The following CNOT6 variants were observed in gnomAD, a reference collection of about 807,000 sequenced individuals.
The protein encoded by CNOT6 is CCR4-NOT transcription complex subunit 6.
A neutral mutation model predicts 61.2 loss-of-function variants in CNOT6; 12 were observed. That is an observed-to-expected ratio of 0.20 (90% CI 0.13 to 0.32). CNOT6 has a LOEUF of 0.32. Ranked by LOEUF, CNOT6 falls within the 10% of genes least tolerant of loss-of-function variation. The pLI is 1.00. For missense variants in CNOT6, 405 were observed against 663.9 expected (o/e 0.61, Z 4.28); for synonymous variants, 225 against 240.6 (o/e 0.94, Z 0.60).
In CNOT6 at chr5:180,565,282, C is replaced by T. The variant is rs565680925; in HGVS notation, c.560-538C>T. ...GAGTTATAAGAGAGCCAAACCCTTACTTAGAGGAAAGTGGAACTAATGACT... is the reference window on the plus strand; with the variant it reads ...GAGTTATAAGAGAGCCAAACCCTTATTTAGAGGAAAGTGGAACTAATGACT... On this transcript the variant is annotated intron_variant, in intron 6 of 11. Transcript: ENST00000261951. Among the ~76,000 whole-genome samples, 27 of 152,350 alleles carry T rather than the reference C, an allele frequency of 1.8e-4. No homozygotes were observed. The South Asian group carries it at 5.6e-3, about 32-fold the overall frequency.
At chr5:180,506,347 A>G (rs1757130954) in intron 1 of CNOT6, among the ~76,000 whole-genome samples, 2 of 152,220 alleles carry the variant, frequency 1.3e-5, no homozygotes, top group African/African-American at 4.8e-5. Flanking sequence ...TGTGTCATTT[A>G]GTATCCCTGT....
chr5:180,510,170 A>C (rs1426865308), intron 1 of CNOT6, among the ~76,000 whole-genome samples: 1 of 23,002 alleles, frequency 4.3e-5, no homozygotes, highest in South Asian at 1.2e-3. Flanking sequence ...TTTTTTTTTT[A>C]AGAGATGGTG....
rs530566735 is a variant in CNOT6 at position 180,572,251 on chromosome 5, G to A, written c.1461+819G>A. ...GTTGCCCAGGCTGGAGTGCAGTGGC[G>A]TGATCTCGGCTCACTGCAACCTCCA... On this transcript the variant is annotated intron_variant, in intron 11 of 11. Coordinates refer to ENST00000261951, the MANE Select transcript of CNOT6 (RefSeq NM_001370472.1). 9.9e-5 allele frequency among the ~76,000 whole-genome samples: 15 copies of A among 152,178 alleles called. No individual in the cohort carries two copies. The South Asian group carries it at 3.1e-3, about 32-fold the overall frequency.
intron 2 of CNOT6, among the ~76,000 whole-genome samples, chr5:180,542,125 C>G (rs1331359597): frequency 6.6e-6 from 1 of 152,140 alleles, no homozygotes; most frequent in Non-Finnish European, 1.5e-5. Context: ...TTAAGAGTCT[C>G]TCGCCATTAC....
chr5:180,513,699 T>TTA (rs71591489), intron 1 of CNOT6, among the ~76,000 whole-genome samples: 3 of 140,056 alleles, frequency 2.1e-5, no homozygotes, highest in African/African-American at 7.7e-5. Flanking sequence ...ATTTATTTAT[T>TTA]TTTATTTATT....
rs1760980138 is a variant in CNOT6 at position 180,575,887 on chromosome 5, C to T, written c.*1687C>T. 6.8e-6 allele frequency: 1 copy of T among 146,384 alleles called. No homozygotes were observed. Among genetic ancestry groups the T allele is most frequent in the African/African-American group, 2.5e-5 (1 of 40,004 alleles). 9.1% of individuals were successfully genotyped at this position (146,384 alleles called of 1,614,324 possible). A position where few individuals can be genotyped will look rare whatever the true frequency, so the allele number is the denominator to read the frequency against. On this transcript the variant is annotated 3_prime_UTR_variant, in exon 12 of 12. Coordinates refer to ENST00000261951, the MANE Select transcript of CNOT6 (RefSeq NM_001370472.1). Reference sequence around the variant, plus strand: ...AAAATGAGTCATTTTGGAAATGATTCTTATGTTTTTTTTTTTTCTCCTTTT... The same window carrying T: ...AAAATGAGTCATTTTGGAAATGATTTTTATGTTTTTTTTTTTTCTCCTTTT...
chr5:180,531,367 C>T (rs1042190712), intron 2 of CNOT6, among the ~76,000 whole-genome samples: 20 of 150,838 alleles, frequency 1.3e-4, no homozygotes, highest in African/African-American at 1.7e-4. Flanking sequence ...CGGGCAGAGG[C>T]GCTCCTCACA....
At chr5:180,499,732 T>C (rs1229409524) in intron 1 of CNOT6, among the ~76,000 whole-genome samples, 1 of 152,186 alleles carries the variant, frequency 6.6e-6, no homozygotes, top group Non-Finnish European at 1.5e-5. Context: ...ATAGATACTG[T>C]AATAAATGTG....
At position 180,553,388 on chromosome 5, in the gene CNOT6, A is replaced by T. The variant is rs749828356; in HGVS notation, c.302A>T (p.Glu101Val). Reference sequence around the variant, plus strand: ...TCCTGGAATTTTTACATCAACAGGGAGCTCCATTTAAATAACAACCTGTTA... The same window carrying T: ...TCCTGGAATTTTTACATCAACAGGGTGCTCCATTTAAATAACAACCTGTTA... The part of the protein sequence containing the change: ...AELGNMVSLR[E>V]LHLNNNLLRV... The change falls in exon 4 of 12, where the codon GAG becomes GTG. Residue 101 changes from glutamate (E) to valine (V), a missense_variant and splice_region_variant. By Grantham distance (121) the Glu-to-Val change is moderately radical. Coordinates refer to ENST00000261951, the MANE Select transcript of CNOT6 (RefSeq NM_001370472.1). The T allele has an allele frequency of 3.6e-5, 58 of 1,611,554 alleles. No homozygotes were observed. In the Admixed American group the frequency reaches 6.2e-4, roughly 17 times the overall value.
At chr5:180,537,275 T>C (rs570637410) in intron 2 of CNOT6, among the ~76,000 whole-genome samples, 78 of 152,358 alleles carry the variant, frequency 5.1e-4, no homozygotes, top group African/African-American at 1.8e-3. Context: ...TACCAGCACA[T>C]CCTTTTCCGG....
intron 1 of CNOT6, among the ~76,000 whole-genome samples, chr5:180,502,296 C>G (rs1307296355): frequency 6.6e-6 from 1 of 152,132 alleles, no homozygotes; most frequent in African/African-American, 2.4e-5. Flanking sequence ...AAAAAAAACT[C>G]TTTCTCATTA....
intron 4 of CNOT6, among the ~76,000 whole-genome samples, chr5:180,558,610 T>TC (rs1268408616): frequency 3.6e-5 from 5 of 137,784 alleles, no homozygotes; most frequent in African/African-American, 1.3e-4. Flanking sequence ...CTTCCTTCCT[T>TC]CTTGTGTTTG....
chr5:180,513,930 C>A (rs1288935443), intron 1 of CNOT6, among the ~76,000 whole-genome samples: 1 of 151,776 alleles, frequency 6.6e-6, no homozygotes, highest in Non-Finnish European at 1.5e-5. Context: ...TCTCGATCTC[C>A]TGACCTCATG....
chr5:180,567,105 G>A lies in CNOT6; in HGVS notation c.735G>A (p.Gln245=). ...CTTTTCAGGAGGTTGAAACGGAACA[G>A]TATTACAGTTTTTTTCTGGTAGAGC... ...IVSLQEVETE[Q]YYSFFLVELK... Residue 245 remains glutamine, a synonymous_variant, in exon 8 of 12, where the codon CAG becomes CAA. Coordinates refer to ENST00000261951, the MANE Select transcript of CNOT6 (RefSeq NM_001370472.1). 6.2e-7 allele frequency: 1 copy of A among 1,611,684 alleles called. No individual in the cohort carries two copies. Among genetic ancestry groups the A allele is most frequent in the Non-Finnish European group, 8.5e-7 (1 of 1,179,454 alleles).
intron 4 of CNOT6, among the ~76,000 whole-genome samples, chr5:180,556,722 G>A (rs1759911771): frequency 6.6e-6 from 1 of 152,244 alleles, no homozygotes; most frequent in Non-Finnish European, 1.5e-5. Flanking sequence ...GGAGGCTGAG[G>A]CAGGCAGATC....
rs1031437845 is a variant in CNOT6 at position 180,511,876 on chromosome 5, C to T, written c.-3+17113C>T. On this transcript the variant is annotated intron_variant, in intron 1 of 11. Coordinates refer to ENST00000261951, the MANE Select transcript of CNOT6 (RefSeq NM_001370472.1). ...GGCTCAAGCAATCCTCCCACCTCAGCCTGCTGAGTAACTAGGATTACCGGC... is the reference window on the plus strand; with the variant it reads ...GGCTCAAGCAATCCTCCCACCTCAGTCTGCTGAGTAACTAGGATTACCGGC... 8.5e-5 allele frequency among the ~76,000 whole-genome samples: 13 copies of T among 152,354 alleles called. No individual in the cohort carries two copies. The East Asian group carries it at 2.5e-3, about 29-fold the overall frequency.
intron 1 of CNOT6, among the ~76,000 whole-genome samples, chr5:180,513,465 C>T (rs1362876799): frequency 6.6e-6 from 1 of 151,912 alleles, no homozygotes; most frequent in Non-Finnish European, 1.5e-5. Context: ...CTCCCAGGTT[C>T]AAGCGATTCT....
intron 1 of CNOT6, among the ~76,000 whole-genome samples, chr5:180,496,926 A>G (rs111824226): frequency 2.0e-5 from 3 of 152,336 alleles, no homozygotes; most frequent in African/African-American, 7.2e-5. Context: ...AATTATTGGG[A>G]AATTTCAAAC....
At chr5:180,562,774 G>T (rs925918210) in intron 4 of CNOT6, among the ~76,000 whole-genome samples, 9 of 152,038 alleles carry the variant, frequency 5.9e-5, no homozygotes, top group Non-Finnish European at 1.3e-4. Flanking sequence ...CAGCATCACT[G>T]TAGGTCTGGT....
Sources: allele counts gnomAD v4.1 joint callset (sites outside exome capture counted in the v4.1 genomes callset), GRCh38; gene constraint gnomAD v4.1.1; transcripts MANE v1.5; gene names NCBI Gene and HGNC (gene_info 2026-07-23, HGNC 2026-07-21).